IRAG2: variants seen among roughly 807,000 people sequenced by gnomAD.
The protein encoded by IRAG2 is inositol 1,4,5-triphosphate receptor associated 2, also known as lymphoid restricted membrane protein.
A neutral mutation model predicts 69.9 loss-of-function variants in IRAG2; 45 were observed. The observed-to-expected ratio is 0.64, with a 90% CI of 0.51 to 0.83. The LOEUF is 0.83. Among genes scored for constraint, IRAG2 ranks in the 40% least tolerant of loss-of-function variants. The pLI, the probability that IRAG2 is intolerant of heterozygous loss-of-function variation, is 0.00. For synonymous variants in IRAG2, 193 were observed against 202.4 expected, an observed-to-expected ratio of 0.95 and a Z score of 0.40; for missense variants, 520 against 587.0, an observed-to-expected ratio of 0.89 and a Z score of 1.18.
At chr12:25,005,001 A>G (rs1037496284) in intron 1 of IRAG2, 3 of 865,284 alleles carry the variant, frequency 3.5e-6, no homozygotes, top group South Asian at 6.2e-5. Context: ...AAAAAAATCT[A>G]CATTATTAAA....
At chr12:25,086,768 C>A (rs1947634713) in intron 10 of IRAG2, among the ~76,000 whole-genome samples, 1 of 152,124 alleles carries the variant, frequency 6.6e-6, no homozygotes, top group African/African-American at 2.4e-5. Flanking sequence ...AAGATAAAGA[C>A]TGAAAATTAT....
rs757655685 is a variant in IRAG2, at chr12:25,107,014, A to G, written c.1220A>G (p.Lys407Arg). 23 of 1,607,322 alleles carry G rather than the reference A, an allele frequency of 1.4e-5. No homozygotes were observed. Among genetic ancestry groups the G allele is most frequent in the Non-Finnish European group, 2.0e-5 (23 of 1,175,886 alleles). ...ERTRKPSLSE[K>R]KNNPSKWDVS... ...ACAAGGAAGCCAAGTCTTTCTGAAA[A>G]GAAAAATAATCCATCAAAGTGGGAT... The change falls in exon 21 of 22, where the codon AAG becomes AGG. Residue 407 changes from lysine (K) to arginine (R), a missense_variant. Transcript: ENST00000556887.
chr12:25,069,317 C>A (rs1946178525), intron 5 of IRAG2, 33 bp from the exon 6 acceptor site: 1 of 991,816 alleles, frequency 1.0e-6, no homozygotes, highest in Non-Finnish European at 1.6e-6. Context: ...AGTTTTTTCA[C>A]CTGTAGTAAA....
chr12:25,050,091 C>G (rs1411552315), upstream of IRAG2, among the ~76,000 whole-genome samples: 2 of 151,192 alleles, frequency 1.3e-5, no homozygotes, highest in East Asian at 3.9e-4. Context: ...CCACTGCACT[C>G]CATCCAGCCT....
intron 10 of IRAG2, among the ~76,000 whole-genome samples, chr12:25,030,667 G>T (rs980338401): frequency 6.6e-6 from 1 of 152,134 alleles, no homozygotes; most frequent in African/African-American, 2.4e-5. Flanking sequence ...GATTACAGGC[G>T]TGAGCCACCG....
At chr12:25,079,017 A>G (rs974614523) in intron 6 of IRAG2, among the ~76,000 whole-genome samples, 2 of 152,174 alleles carry the variant, frequency 1.3e-5, no homozygotes, top group African/African-American at 4.8e-5. Context: ...ATTTTTTTAA[A>G]TATCAGACTT....
chr12:25,038,273 T>C (rs1591934183), intron 16 of IRAG2: 1 of 392,776 alleles, frequency 2.5e-6, no homozygotes, highest in East Asian at 3.6e-5. Context: ...GAAGATATTC[T>C]GTTTGATAAT....
At chr12:25,005,826 C>T (rs573545661) in intron 2 of IRAG2, among the ~76,000 whole-genome samples, 1 of 152,180 alleles carries the variant, frequency 6.6e-6, no homozygotes, top group South Asian at 2.1e-4. Flanking sequence ...TGGACATTGG[C>T]CTTGGCAAAT....
intron 10 of IRAG2, among the ~76,000 whole-genome samples, chr12:25,084,779 G>A (rs958736793): frequency 2.0e-5 from 3 of 152,184 alleles, no homozygotes; most frequent in African/African-American, 7.2e-5. Flanking sequence ...GATGTCATTC[G>A]TTTCCTTTGT....
intron 14 of IRAG2, among the ~76,000 whole-genome samples, chr12:25,094,686 G>C (rs1201913131): frequency 1.3e-5 from 2 of 151,656 alleles, no homozygotes; most frequent in African/African-American, 2.4e-5. Flanking sequence ...ACAAAATCAG[G>C]TCTACCAACC....
intron 10 of IRAG2, among the ~76,000 whole-genome samples, chr12:25,031,961 C>T (rs1330977684): frequency 6.6e-6 from 1 of 152,178 alleles, no homozygotes; most frequent in Non-Finnish European, 1.5e-5. Context: ...CACGCCCAGC[C>T]GTCCTTGTGT....
intron 1 of IRAG2, among the ~76,000 whole-genome samples, chr12:25,056,265 G>A (rs1242655497): frequency 6.6e-6 from 1 of 152,126 alleles, no homozygotes. Context: ...GCGGGTGAAG[G>A]GATCCAGGTG....
At chr12:25,069,694 T>C (rs2140025928) in intron 6 of IRAG2, among the ~76,000 whole-genome samples, 1 of 152,318 alleles carries the variant, frequency 6.6e-6, no homozygotes, top group South Asian at 2.1e-4. Context: ...GAGATTTCAA[T>C]GAAGTGAGCT....
At chr12:25,021,775 G>A (rs542731892) in intron 7 of IRAG2, among the ~76,000 whole-genome samples, 10 of 152,326 alleles carry the variant, frequency 6.6e-5, no homozygotes, top group African/African-American at 2.4e-4. Context: ...AAATCTTGGA[G>A]AGACTTGGTT....
intron 6 of IRAG2, among the ~76,000 whole-genome samples, chr12:25,078,885 T>C (rs1392571161): frequency 2.0e-5 from 3 of 152,080 alleles, no homozygotes; most frequent in Non-Finnish European, 4.4e-5. Flanking sequence ...TTCCCACACA[T>C]AGAAATGTTG....
chr12:25,101,287 T>C lies in IRAG2; in HGVS notation c.851T>C (p.Leu284Pro). Reference sequence around the variant, plus strand: ...TTAGAAGAACTGAAACAGGTTCTTCTGCAGAATGAAAGGTCTTTCAATCCT... The same window carrying C: ...TTAGAAGAACTGAAACAGGTTCTTCCGCAGAATGAAAGGTCTTTCAATCCT... ...AELEELKQVL[L>P]QNERSFNPLE... is the part of the protein sequence containing the mutation. Residue 284 changes from leucine (L) to proline (P), a missense_variant, in exon 16 of 22, where the codon CTG becomes CCG. Leu to Pro is a moderately conservative substitution (Grantham distance 98). Coordinates refer to ENST00000556887, the MANE Select transcript of IRAG2 (RefSeq NM_001366544.2). 1 of 1,610,482 alleles carries C rather than the reference T, an allele frequency of 6.2e-7. No individual in the cohort carries two copies. Among genetic ancestry groups the C allele is most frequent in the Non-Finnish European group, 8.5e-7 (1 of 1,177,962 alleles).
chr12:25,082,070 A>C (rs1468749549), intron 9 of IRAG2, among the ~76,000 whole-genome samples: 1 of 152,146 alleles, frequency 6.6e-6, no homozygotes, highest in Non-Finnish European at 1.5e-5. Context: ...AATTAAAAAA[A>C]AATTGTGAAG....
At chr12:25,033,830 G>T (rs1187545433) in intron 12 of IRAG2, 1 of 398,720 alleles carries the variant, frequency 2.5e-6, no homozygotes, top group African/African-American at 2.1e-5. Flanking sequence ...CTAGACTATT[G>T]TTTTTGTTTT....
chr12:25,106,423 T>C (rs2140278124), intron 20 of IRAG2, among the ~76,000 whole-genome samples: 1 of 145,332 alleles, frequency 6.9e-6, no homozygotes, highest in South Asian at 2.1e-4. Flanking sequence ...AAGCATATAT[T>C]AATATGCATA....
Sources: gnomAD v4.1 joint callset for allele counts (sites outside exome capture counted in the v4.1 genomes callset) on GRCh38, gnomAD v4.1.1 for gene constraint, MANE v1.5 for transcripts, NCBI Gene and HGNC (gene_info 2026-07-23, HGNC 2026-07-21) for gene names.